The following CUBN variants were observed in gnomAD, a reference collection of about 807,000 sequenced individuals.
The protein encoded by CUBN is cubilin.
A neutral mutation model predicts 405.3 loss-of-function variants in CUBN; 282 were observed. That is an observed-to-expected ratio of 0.70 (90% CI 0.63 to 0.77). The LOEUF (loss-of-function observed/expected upper bound fraction) is 0.77, where lower values mean the gene tolerates loss of function less well. CUBN is among the 30% of genes least tolerant of loss of function. The probability of loss-of-function intolerance (pLI) is 0.00; values close to 1 mark genes in which losing one functional copy is unlikely to be tolerated. For synonymous variants in CUBN, 1,684 were observed against 1,617.0 expected, an observed-to-expected ratio of 1.04 and a Z score of -0.99; for missense variants, 4,514 against 4,475.2, an observed-to-expected ratio of 1.01 and a Z score of -0.25.
chr10:16,858,064 T>C (rs1839911098), intron 59 of CUBN, among the ~76,000 whole-genome samples: 1 of 151,948 alleles, frequency 6.6e-6, no homozygotes, highest in African/African-American at 2.4e-5. Flanking sequence ...TTTATAATCA[T>C]TACAAAAAAA....
intron 41 of CUBN, among the ~76,000 whole-genome samples, chr10:16,926,188 C>T (rs1443509589): frequency 6.6e-6 from 1 of 152,038 alleles, no homozygotes; most frequent in Admixed American, 6.6e-5. Flanking sequence ...TTAGCAGAGA[C>T]ATGAATGAAA....
intron 55 of CUBN, among the ~76,000 whole-genome samples, chr10:16,889,159 C>T (rs531898516): frequency 6.6e-6 from 1 of 151,668 alleles, no homozygotes; most frequent in East Asian, 1.9e-4. Flanking sequence ...CTAGTTAATC[C>T]ACTTCACTCT....
chr10:17,008,639 C>T (rs897822548), intron 28 of CUBN, among the ~76,000 whole-genome samples: 1 of 151,982 alleles, frequency 6.6e-6, no homozygotes, highest in African/African-American at 2.4e-5. Context: ...GCCTAGTTAA[C>T]TCCTGCTTAT....
At chr10:17,098,223 T>C (rs567150436) in intron 14 of CUBN, among the ~76,000 whole-genome samples, 29 of 152,304 alleles carry the variant, frequency 1.9e-4, no homozygotes, top group Admixed American at 8.5e-4. Flanking sequence ...TTCAGCCCAG[T>C]CCAGCCTTTA....
chr10:16,926,484 G>T (rs928734941), intron 41 of CUBN, among the ~76,000 whole-genome samples: 5 of 152,122 alleles, frequency 3.3e-5, no homozygotes, highest in Non-Finnish European at 7.3e-5. Context: ...GGAGGACAGG[G>T]AAGGACAGGA....
chr10:17,111,195 G>A, intron 8 of CUBN, 145 bp from the exon 9 acceptor site: 1 of 947,920 alleles, frequency 1.1e-6, no homozygotes, highest in Non-Finnish European at 1.6e-6. Flanking sequence ...GGCAAAAGTT[G>A]TTTTGAATTC....
chr10:17,008,241 GTGT>G (rs1564475372), intron 28 of CUBN, among the ~76,000 whole-genome samples: 198 of 147,120 alleles, frequency 1.3e-3, no homozygotes, highest in African/African-American at 3.2e-3. Flanking sequence ...CGTGTGTGGT[GTGT>G]GTGTGTGTGT....
chr10:16,955,614 CAG>C (rs1048787430), intron 31 of CUBN, among the ~76,000 whole-genome samples: 2 of 152,090 alleles, frequency 1.3e-5, no homozygotes, highest in African/African-American at 2.4e-5. Flanking sequence ...ATGTGTAAAT[CAG>C]GGGGGAAATG....
intron 28 of CUBN, among the ~76,000 whole-genome samples, chr10:17,015,675 G>A (rs542861030): frequency 4.6e-5 from 7 of 152,308 alleles, no homozygotes; most frequent in East Asian, 3.9e-4. Context: ...CCTCAGTCCT[G>A]TTGTTGGATC....
intron 13 of CUBN, among the ~76,000 whole-genome samples, chr10:17,101,976 A>ATATC (rs780832181): frequency 6.6e-6 from 1 of 152,240 alleles, no homozygotes; most frequent in Non-Finnish European, 1.5e-5. Flanking sequence ...AACTATCTTA[A>ATATC]TATCAGTGGC....
intron 13 of CUBN, among the ~76,000 whole-genome samples, chr10:17,102,086 A>G (rs1190071545): frequency 6.6e-6 from 1 of 152,174 alleles, no homozygotes; most frequent in Non-Finnish European, 1.5e-5. Flanking sequence ...GCTTGCAGTC[A>G]GTCAACCAGT....
intron 56 of CUBN, among the ~76,000 whole-genome samples, chr10:16,878,228 C>T (rs1162384913): frequency 1.3e-5 from 2 of 152,158 alleles, no homozygotes; most frequent in East Asian, 1.9e-4. Flanking sequence ...GCAGAAGTTA[C>T]AGTGAGCTGA....
chr10:16,886,793 A>T (rs1038495702), intron 56 of CUBN, among the ~76,000 whole-genome samples: 1 of 152,002 alleles, frequency 6.6e-6, no homozygotes, highest in African/African-American at 2.4e-5. Context: ...ACATATATTA[A>T]TTTTTTCTTT....
chr10:16,980,467 T>A (rs1345234164), intron 31 of CUBN, among the ~76,000 whole-genome samples: 2 of 152,128 alleles, frequency 1.3e-5, no homozygotes, highest in Non-Finnish European at 2.9e-5. Context: ...ATAGGCTGGA[T>A]AAAGAAAATG....
chr10:17,068,741 A>G lies in CUBN; in HGVS notation c.2655T>C (p.Pro885=), dbSNP rs773328190. Residue 885 remains proline, a synonymous_variant, in exon 20 of 67, where the codon CCT becomes CCC. Coordinates refer to ENST00000377833, the MANE Select transcript of CUBN (RefSeq NM_001081.4). ...EIGSSSILGS[P]ENKKYCGTDI... ...CTGTACCGCAATACTTTTTATTTTC[A>G]GGAGAACCCAAAATGGAACTGCTAC... is the stretch of plus-strand genomic sequence containing the variant. 5.6e-6 allele frequency: 9 copies of G among 1,612,330 alleles called. No individual in the cohort carries two copies. Among genetic ancestry groups the G allele is most frequent in the African/African-American group, 2.7e-5 (2 of 74,856 alleles).
chr10:17,092,849 C>T (rs1836295451), intron 14 of CUBN, among the ~76,000 whole-genome samples: 2 of 152,204 alleles, frequency 1.3e-5, no homozygotes, highest in African/African-American at 2.4e-5. Context: ...CACTGCTCTG[C>T]TTATGGAGTA....
Position 16,848,893 on chromosome 10 carries a change from G to A in CUBN, c.9663+2342C>T, listed in dbSNP as rs1012194481. Among the ~76,000 whole-genome samples the A allele has an allele frequency of 2.6e-5, 4 of 151,684 alleles. No homozygotes were observed. The South Asian group carries it at 6.3e-4, about 24-fold the overall frequency. Reference sequence around the variant, plus strand: ...ATTGTTTTGTATTTTTTGTAGAGACGGGTTCTCACTATGTTGCCAGGGCTT... The same window carrying A: ...ATTGTTTTGTATTTTTTGTAGAGACAGGTTCTCACTATGTTGCCAGGGCTT... On this transcript the variant is annotated intron_variant, in intron 60 of 66. Transcript: ENST00000377833.
chr10:17,106,325 A>T (rs1187317605), intron 10 of CUBN, among the ~76,000 whole-genome samples: 3 of 149,450 alleles, frequency 2.0e-5, no homozygotes, highest in Non-Finnish European at 4.4e-5. Flanking sequence ...TAATACTAAT[A>T]AAGAGCCCTA....
intron 17 of CUBN, 89 bp downstream of exon 17, chr10:17,084,181 TG>T: frequency 1.5e-6 from 2 of 1,291,046 alleles, no homozygotes; most frequent in Non-Finnish European, 2.2e-6. Flanking sequence ...TGGCTGCTGG[TG>T]GCCCAACAAT....
Sources: gnomAD v4.1 joint callset for allele counts (sites outside exome capture counted in the v4.1 genomes callset) on GRCh38, gnomAD v4.1.1 for gene constraint, MANE v1.5 for transcripts, NCBI Gene and HGNC (gene_info 2026-07-23, HGNC 2026-07-21) for gene names.